ADAM12: variants seen among roughly 807,000 people sequenced by gnomAD.
ADAM12 encodes the protein ADAM metallopeptidase domain 12, also known as disintegrin and metalloproteinase domain-containing protein 12.
ADAM12 carries 70 observed loss-of-function variants against 106.4 expected under a neutral mutation model. The observed-to-expected ratio is 0.66, with a 90% CI of 0.54 to 0.80. ADAM12 has a LOEUF of 0.80. ADAM12 is among the 30% of genes least tolerant of loss of function. The pLI is 0.00. For missense variants in ADAM12, 1,010 were observed against 1,171.9 expected (o/e 0.86, Z 2.02); for synonymous variants, 420 against 433.5 (o/e 0.97, Z 0.39).
chr10:126,068,451 T>C lies in ADAM12; in HGVS notation c.1324-1645A>G, dbSNP rs144768202. 4.5e-3 allele frequency among the ~76,000 whole-genome samples: 679 copies of C among 152,352 alleles called. 5 individuals are homozygous for C. The highest frequency in any genetic ancestry group is 0.015 in the African/African-American group (643 of 41,580). On this transcript the variant is annotated intron_variant, in intron 12 of 22. Transcript: ENST00000448723. ...CAAATGGAAATGCAGCCATGCCAAATGGCTCTGACTTCAAAGGGGATGATA... is the reference window on the plus strand; with the variant it reads ...CAAATGGAAATGCAGCCATGCCAAACGGCTCTGACTTCAAAGGGGATGATA...
At position 126,019,954 on chromosome 10, in the gene ADAM12, G is replaced by A. The variant is rs973984699; in HGVS notation, c.2530-129C>T. On this transcript the variant is annotated intron_variant, in intron 21 of 22. Coordinates refer to ENST00000448723, the MANE Select transcript of ADAM12 (RefSeq NM_001288973.2). Reference sequence around the variant, plus strand: ...ATCCTGTCACCATACAAGGTGGGTGGAGGCTGACCTCTGTTAATCTTCTTG... The same window carrying A: ...ATCCTGTCACCATACAAGGTGGGTGAAGGCTGACCTCTGTTAATCTTCTTG... 6.7e-5 allele frequency: 76 copies of A among 1,138,870 alleles called. No homozygotes were observed. The African/African-American group carries it at 1.0e-3, about 15-fold the overall frequency. The allele number at this position is 1,138,870 out of a possible 1,614,324, so 70.5% of individuals were successfully genotyped here. A position where few individuals can be genotyped will look rare whatever the true frequency, so the allele number is the denominator to read the frequency against.
chr10:126,338,488 G>A (rs1361021060), intron 1 of ADAM12, among the ~76,000 whole-genome samples: 3 of 151,858 alleles, frequency 2.0e-5, no homozygotes, highest in Non-Finnish European at 4.4e-5. Flanking sequence ...TCCTGACCTC[G>A]TGATCCGCCC....
At chr10:126,057,583 G>C (rs1307835006) in intron 14 of ADAM12, among the ~76,000 whole-genome samples, 2 of 152,184 alleles carry the variant, frequency 1.3e-5, no homozygotes, top group Non-Finnish European at 2.9e-5. Context: ...ACACGCCCCT[G>C]CTGCCCCAAA....
At chr10:126,380,799 T>C (rs1222582100) in intron 1 of ADAM12, among the ~76,000 whole-genome samples, 2 of 152,244 alleles carry the variant, frequency 1.3e-5, no homozygotes, top group African/African-American at 2.4e-5. Context: ...CTGCTTCATA[T>C]AGCTCCCTGT....
At position 126,232,401 on chromosome 10, in the gene ADAM12, C is replaced by T. The variant is rs550881375; in HGVS notation, c.260+46514G>A. 2.0e-5 allele frequency among the ~76,000 whole-genome samples: 3 copies of T among 152,134 alleles called. No individual in the cohort carries two copies. In the East Asian group the frequency reaches 5.8e-4, roughly 29 times the overall value. On this transcript the variant is annotated intron_variant, in intron 3 of 22. Coordinates refer to ENST00000448723, the MANE Select transcript of ADAM12 (RefSeq NM_001288973.2). ...AGAAGGAACACAGCCCCACCCACAC[C>T]TTGGTTGTATCCTAGTGAGACACTA...
At chr10:126,291,854 C>G (rs992762170) in intron 2 of ADAM12, among the ~76,000 whole-genome samples, 50 of 152,296 alleles carry the variant, frequency 3.3e-4, no homozygotes, top group Non-Finnish European at 5.0e-4. Context: ...ACCAGACTAT[C>G]ACTTCACCAG....
chr10:126,119,797 G>A (rs1956052126), intron 5 of ADAM12, among the ~76,000 whole-genome samples: 5 of 152,218 alleles, frequency 3.3e-5, no homozygotes, highest in Admixed American at 3.3e-4. Context: ...CTGGAAATGA[G>A]TAATGCTAGC....
intron 14 of ADAM12, among the ~76,000 whole-genome samples, chr10:126,051,784 C>G (rs779664811): frequency 1.3e-5 from 2 of 152,356 alleles, no homozygotes; most frequent in Non-Finnish European, 2.9e-5. Flanking sequence ...ACTGGACAAA[C>G]CTCCTGCTTG....
chr10:126,096,915 A>G (rs1955568279), intron 10 of ADAM12, among the ~76,000 whole-genome samples: 1 of 152,186 alleles, frequency 6.6e-6, no homozygotes, highest in South Asian at 2.1e-4. Flanking sequence ...TCATTTTCAT[A>G]TACCTTTTTT....
chr10:126,162,548 G>A (rs891333226), intron 3 of ADAM12, among the ~76,000 whole-genome samples: 9 of 152,080 alleles, frequency 5.9e-5, no homozygotes, highest in Admixed American at 2.6e-4. Flanking sequence ...CGCCAAACAC[G>A]GAAGGGACCT....
intron 3 of ADAM12, among the ~76,000 whole-genome samples, chr10:126,277,542 C>T (rs767569948): frequency 6.6e-6 from 1 of 152,028 alleles, no homozygotes; most frequent in African/African-American, 2.4e-5. Context: ...CAAAACCATA[C>T]CTAAAAATGT....
chr10:126,150,303 T>C (rs1480615892), intron 4 of ADAM12, among the ~76,000 whole-genome samples: 4 of 152,234 alleles, frequency 2.6e-5, no homozygotes, highest in African/African-American at 9.6e-5. Context: ...TGTGAACTCA[T>C]GGCCCTGCCC....
At chr10:126,284,537 G>A (rs1959753559) in intron 2 of ADAM12, among the ~76,000 whole-genome samples, 1 of 152,032 alleles carries the variant, frequency 6.6e-6, no homozygotes, top group Non-Finnish European at 1.5e-5. Flanking sequence ...CCCTGGGATT[G>A]CTCCACTGTC....
intron 6 of ADAM12, among the ~76,000 whole-genome samples, chr10:126,116,326 A>G (rs1955982020): frequency 6.6e-6 from 1 of 152,186 alleles, no homozygotes; most frequent in African/African-American, 2.4e-5. Flanking sequence ...CAAATGTTCT[A>G]CTTGTTTATG....
At chr10:126,118,270 T>G in intron 5 of ADAM12, 46 bp from the exon 6 acceptor site, 1 of 1,414,444 alleles carries the variant, frequency 7.1e-7, no homozygotes, top group Non-Finnish European at 9.7e-7. Context: ...TAAGGACAGC[T>G]TCTTGTTTAT....
chr10:126,376,643 G>A (rs1313801969), intron 1 of ADAM12, among the ~76,000 whole-genome samples: 1 of 152,148 alleles, frequency 6.6e-6, no homozygotes, highest in Non-Finnish European at 1.5e-5. Context: ...CAAATAAATA[G>A]AGAAATCACC....
In ADAM12 at chr10:126,113,710, AT is replaced by A. The variant is rs1565067712; in HGVS notation, c.604-3871del. ...AAAATATATATATATATATATATAT[AT>A]ATATATATATATATATATATAATAT... is the stretch of plus-strand genomic sequence containing the variant. On this transcript the variant is annotated intron_variant, in intron 6 of 22. Coordinates refer to ENST00000448723, the MANE Select transcript of ADAM12 (RefSeq NM_001288973.2). Among the ~76,000 whole-genome samples, 261 of 93,362 alleles carry A rather than the reference AT, an allele frequency of 2.8e-3. 11 individuals are homozygous for A. Among genetic ancestry groups the A allele is most frequent in the African/African-American group, 5.0e-3 (98 of 19,512 alleles). 61.2% of individuals were successfully genotyped at this position (93,362 alleles called of 152,430 possible).
intron 2 of ADAM12, among the ~76,000 whole-genome samples, chr10:126,289,504 G>A (rs1040828200): frequency 2.0e-5 from 3 of 152,212 alleles, no homozygotes; most frequent in Admixed American, 2.0e-4. Context: ...CAGGGCTGAT[G>A]AGGAGGTGTG....
rs1228531568 is a variant in ADAM12, at chr10:126,143,154, G to GTATATA, written c.340-7495_340-7494insTATATA. 2.7e-5 allele frequency among the ~76,000 whole-genome samples: 4 copies of GTATATA among 150,880 alleles called. No individual in the cohort carries two copies. In the East Asian group the frequency reaches 7.9e-4, roughly 30 times the overall value. On this transcript the variant is annotated intron_variant, in intron 4 of 22. Coordinates refer to ENST00000448723, the MANE Select transcript of ADAM12 (RefSeq NM_001288973.2). ...TATATCAGTGTGCATGTGTATATAT[G>GTATATA]CACGTGTATATATATGTATGTGTGT...
Sources: gnomAD v4.1 joint callset for allele counts (sites outside exome capture counted in the v4.1 genomes callset) on GRCh38, gnomAD v4.1.1 for gene constraint, MANE v1.5 for transcripts, NCBI Gene and HGNC (gene_info 2026-07-23, HGNC 2026-07-21) for gene names.